The following FLT1 variants were observed in gnomAD, a reference collection of about 807,000 sequenced individuals.
FLT1 encodes the protein fms related receptor tyrosine kinase 1.
In FLT1, 49 loss-of-function variants were observed where a neutral mutation model predicts 156.3. The ratio of observed to expected loss-of-function variants is 0.31; its 90% CI spans 0.25 to 0.40. The LOEUF is 0.40. FLT1 is among the 10% of genes least tolerant of loss of function. FLT1 has a pLI of 1.00. For missense variants in FLT1, 1,322 were observed against 1,637.2 expected, an observed-to-expected ratio of 0.81 and a Z score of 3.32; for synonymous variants, 594 against 583.8, an observed-to-expected ratio of 1.02 and a Z score of -0.25.
intron 13 of FLT1, chr13:28,387,680 C>T (rs1874442125): frequency 9.4e-7 from 1 of 1,064,060 alleles, no homozygotes; most frequent in Non-Finnish European, 1.1e-6. Context: ...CAATTATTCC[C>T]CATTTTAGGC....
At chr13:28,445,962 C>T (rs184249638) in intron 3 of FLT1, among the ~76,000 whole-genome samples, 14 of 152,056 alleles carry the variant, frequency 9.2e-5, no homozygotes, top group Admixed American at 3.9e-4. Context: ...TATACAATGC[C>T]CAAGTGGGAT....
intron 1 of FLT1, among the ~76,000 whole-genome samples, chr13:28,488,930 A>AT (rs1881325800): frequency 6.6e-6 from 1 of 152,214 alleles, no homozygotes. Flanking sequence ...AAACCCTAAA[A>AT]TTTGAGGACT....
intron 14 of FLT1, among the ~76,000 whole-genome samples, chr13:28,359,728 A>T (rs1424617960): frequency 6.6e-6 from 1 of 152,228 alleles, no homozygotes; most frequent in Non-Finnish European, 1.5e-5. Flanking sequence ...TGGGCAAAGA[A>T]ATCAAATAGA....
chr13:28,302,843 A>G lies in FLT1; in HGVS notation c.*324T>C, dbSNP rs540111808. 3.2e-4 allele frequency: 142 copies of G among 436,930 alleles called. 1 individual carries two copies. In the South Asian group the frequency reaches 3.3e-3, roughly 10 times the overall value. The allele number at this position is 436,930 out of a possible 1,614,324, so 27.1% of individuals were successfully genotyped here. On this transcript the variant is annotated 3_prime_UTR_variant, in exon 30 of 30. Transcript: ENST00000282397. Reference sequence around the variant, plus strand: ...ACGTGATGCATTGGGTGATCAGTGCAGCTCCTCAATCAAACTGGTCCTGCG... The same window carrying G: ...ACGTGATGCATTGGGTGATCAGTGCGGCTCCTCAATCAAACTGGTCCTGCG...
chr13:28,303,508 T>C (rs918416703), intron 29 of FLT1, 140 bp from the exon 30 acceptor site: 16 of 704,098 alleles, frequency 2.3e-5, no homozygotes, highest in African/African-American at 2.3e-4. Flanking sequence ...CCCCCCTCAA[T>C]TGCTGTCAGA....
intron 4 of FLT1, among the ~76,000 whole-genome samples, chr13:28,434,798 G>A (rs1877933789): frequency 1.3e-5 from 2 of 152,134 alleles, no homozygotes; most frequent in Admixed American, 6.5e-5. Context: ...CAGGAGAATC[G>A]CTTGAACCCG....
chr13:28,368,597 G>A, intron 14 of FLT1: 1 of 1,475,746 alleles, frequency 6.8e-7, no homozygotes, highest in Non-Finnish European at 9.3e-7. Flanking sequence ...TGATGATGAT[G>A]ACGATGATGA....
chr13:28,472,862 T>C (rs141296362), intron 1 of FLT1, among the ~76,000 whole-genome samples: 285 of 152,290 alleles, frequency 1.9e-3, no homozygotes, highest in African/African-American at 6.4e-3. Flanking sequence ...TTGATAACAA[T>C]GTATAAGTTA....
chr13:28,315,539 G>A (rs1192761889), intron 25 of FLT1, among the ~76,000 whole-genome samples: 1 of 152,192 alleles, frequency 6.6e-6, no homozygotes. Flanking sequence ...CTGGACAACA[G>A]AGCGAGACAC....
chr13:28,430,264 T>A (rs1412928189), intron 7 of FLT1, 97 bp from the exon 8 acceptor site: 7 of 812,226 alleles, frequency 8.6e-6, no homozygotes, highest in Non-Finnish European at 1.3e-5. Context: ...AATGAGTAAA[T>A]AAACAGAGCT....
chr13:28,335,772 C>T (rs1200081249), intron 17 of FLT1, among the ~76,000 whole-genome samples: 1 of 152,190 alleles, frequency 6.6e-6, no homozygotes, highest in South Asian at 2.1e-4. Context: ...GCATGCAACA[C>T]GGGCAGAGCT....
rs1197323919 is a variant in FLT1, at chr13:28,303,287, G to A, written c.3897C>T (p.His1299=). ...TGAACCTGCGCTTGCCTTCGCTGACGTGCCCACAGCTGGAATGGCAGAAAC... is the reference window on the plus strand; with the variant it reads ...TGAACCTGCGCTTGCCTTCGCTGACATGCCCACAGCTGGAATGGCAGAAAC... ...RPSFCHSSCG[H]VSEGKRRFTY... Residue 1299 remains histidine, a synonymous_variant, in exon 30 of 30, where the codon CAC becomes CAT. Coordinates refer to ENST00000282397, the MANE Select transcript of FLT1 (RefSeq NM_002019.4). 1.1e-5 allele frequency: 18 copies of A among 1,613,884 alleles called. No homozygotes were observed. The highest frequency in any genetic ancestry group is 6.7e-5 in the African/African-American group (5 of 74,880).
intron 14 of FLT1, among the ~76,000 whole-genome samples, chr13:28,358,066 G>A (rs1005277435): frequency 3.9e-5 from 6 of 151,972 alleles, no homozygotes; most frequent in Non-Finnish European, 8.8e-5. Flanking sequence ...TTGACTCAAC[G>A]CCCTCTGTGT....
At chr13:28,340,159 G>C (rs59004496) in intron 16 of FLT1, among the ~76,000 whole-genome samples, 1,802 of 151,652 alleles carry the variant, frequency 0.012, 43 homozygotes, top group African/African-American at 0.041. Flanking sequence ...AGGTTGCAGT[G>C]AGCCAAGATG....
chr13:28,357,868 CTTT>C (rs57304530), intron 14 of FLT1, among the ~76,000 whole-genome samples, 183 bp from the exon 15 acceptor site: 5 of 104,726 alleles, frequency 4.8e-5, no homozygotes, highest in African/African-American at 1.9e-4. Flanking sequence ...CTTTTCTTTC[CTTT>C]TTTTTTTTTT....
Position 28,397,749 on chromosome 13 carries a change from C to CGTGTGTGT in FLT1, c.1552-689_1552-682dup, listed in dbSNP as rs35710786. Among the ~76,000 whole-genome samples the CGTGTGTGT allele has an allele frequency of 3.5e-3, 458 of 129,866 alleles. 1 individual carries two copies. Among genetic ancestry groups the CGTGTGTGT allele is most frequent in the Admixed American group, 4.9e-3 (63 of 12,764 alleles). The allele number at this position is 129,866 out of a possible 152,430, so 85.2% of individuals were successfully genotyped here. A position where few individuals can be genotyped will look rare whatever the true frequency, so the allele number is the denominator to read the frequency against. ...AGCACTGGATGGTCCTGAAGGAGAC[C>CGTGTGTGT]GTGTGTGTGTGTGTGTGTGTGTGTG... On this transcript the variant is annotated intron_variant, in intron 11 of 29. Coordinates refer to ENST00000282397, the MANE Select transcript of FLT1 (RefSeq NM_002019.4).
chr13:28,332,060 C>CA (rs960634136), intron 18 of FLT1, among the ~76,000 whole-genome samples: 80 of 151,458 alleles, frequency 5.3e-4, no homozygotes, highest in African/African-American at 1.9e-3. Flanking sequence ...ACTGTCTCTA[C>CA]AAAAAAAAAT....
intron 14 of FLT1, among the ~76,000 whole-genome samples, chr13:28,377,488 C>T (rs917144677): frequency 2.0e-5 from 3 of 148,736 alleles, no homozygotes; most frequent in Admixed American, 7.1e-5. Context: ...CCAATTGACA[C>T]GATAATAGCG....
At chr13:28,304,555 T>C (rs1870659305) in intron 29 of FLT1, among the ~76,000 whole-genome samples, 1 of 152,164 alleles carries the variant, frequency 6.6e-6, no homozygotes, top group Admixed American at 6.5e-5. Flanking sequence ...ATTTACATAG[T>C]GCATAATTCG....
Sources: gnomAD v4.1 joint callset for allele counts (sites outside exome capture counted in the v4.1 genomes callset) on GRCh38, gnomAD v4.1.1 for gene constraint, MANE v1.5 for transcripts, NCBI Gene and HGNC (gene_info 2026-07-23, HGNC 2026-07-21) for gene names.